Variants in KAT6B observed in about 807,000 individuals in gnomAD.
The protein encoded by KAT6B is histone acetyltransferase KAT6B.
A neutral mutation model predicts 187.5 loss-of-function variants in KAT6B; 10 were observed. The observed-to-expected ratio is 0.05, with a 90% CI of 0.03 to 0.09. The LOEUF is 0.09. Among genes scored for constraint, KAT6B ranks in the 10% least tolerant of loss-of-function variants. The pLI is 1.00. For missense variants in KAT6B, 1,952 were observed against 2,558.9 expected, an observed-to-expected ratio of 0.76 and a Z score of 5.12; for synonymous variants, 861 against 926.8, an observed-to-expected ratio of 0.93 and a Z score of 1.29.
intron 3 of KAT6B, among the ~76,000 whole-genome samples, chr10:74,857,667 G>A (rs900093024): frequency 2.0e-5 from 3 of 152,144 alleles, no homozygotes; most frequent in Admixed American, 1.3e-4. Flanking sequence ...ATTTTGCATT[G>A]GGGGTTGCAA....
In KAT6B at chr10:74,976,054, C is replaced by T. The variant is rs756038238; in HGVS notation, c.1717C>T (p.Arg573Cys). The change falls in exon 8 of 18, where the codon CGT becomes TGT. Residue 573 changes from arginine (R) to cysteine (C), a missense_variant. This residue lies in a region of KAT6B where 417 missense variants were observed against 508.9 expected (regional missense o/e 0.82). Coordinates refer to ENST00000287239, the MANE Select transcript of KAT6B (RefSeq NM_012330.4). ...TTATGCACCACCCAAACGTATGCGTCGTAAAACTGAATTATCTTCCACGGC... is the reference window on the plus strand; with the variant it reads ...TTATGCACCACCCAAACGTATGCGTTGTAAAACTGAATTATCTTCCACGGC... ...PSYAPPKRMR[R>C]KTELSSTAKS... The T allele has an allele frequency of 1.6e-5, 26 of 1,614,024 alleles. No individual in the cohort carries two copies. The highest frequency in any genetic ancestry group is 1.8e-5 in the Non-Finnish European group (21 of 1,180,046).
At position 75,021,245 on chromosome 10, in the gene KAT6B, A is replaced by G; in HGVS notation, c.2981A>G (p.Asn994Ser). ...AGGTGGACCCCAATTTTAATTTCTA[A>G]TGCTGCAGTGTCTGAAGAAGAGCGA... is the stretch of plus-strand genomic sequence containing the variant. ...SLRWTPILIS[N>S]AAVSEEEREA... The change falls in exon 15 of 18, where the codon AAT becomes AGT. Residue 994 changes from asparagine to serine, a missense_variant. Asn to Ser is a conservative substitution (Grantham distance 46, BLOSUM62 1). Transcript: ENST00000287239. 1 of 1,614,196 alleles carries G rather than the reference A, an allele frequency of 6.2e-7. No homozygotes were observed.
Position 74,976,307 on chromosome 10 carries a change from G to C in KAT6B, c.1970G>C (p.Arg657Thr). 6.2e-7 allele frequency: 1 copy of C among 1,613,456 alleles called. No homozygotes were observed. Among genetic ancestry groups the C allele is most frequent in the Non-Finnish European group, 8.5e-7 (1 of 1,179,982 alleles). The stretch of plus-strand genomic sequence containing the variant: ...GGGAAGGGGAGCTTGACAGACGGAA[G>C]GATTAAACCTGATCAGGATGATGGT... The part of the protein sequence containing the change: ...SPGKGSLTDG[R>T]IKPDQDDDTE... Residue 657 changes from arginine (R) to threonine (T), a missense_variant, in exon 8 of 18, where the codon AGG becomes ACG. Arg to Thr is a moderately conservative substitution (Grantham distance 71, BLOSUM62 -1). This residue lies in a region of KAT6B where 417 missense variants were observed against 508.9 expected (regional missense o/e 0.82). Coordinates refer to ENST00000287239, the MANE Select transcript of KAT6B (RefSeq NM_012330.4).
chr10:74,826,395 G>C (rs896144940), upstream of KAT6B, among the ~76,000 whole-genome samples: 1 of 152,004 alleles, frequency 6.6e-6, no homozygotes, highest in South Asian at 2.1e-4. Context: ...CGGAGGGGGG[G>C]ATGATGGGTC....
In KAT6B at chr10:74,959,967, T is replaced by C; in HGVS notation, c.622-3T>C. 1 of 1,586,808 alleles carries C rather than the reference T, an allele frequency of 6.3e-7. No individual in the cohort carries two copies. Among genetic ancestry groups the C allele is most frequent in the East Asian group, 2.2e-5 (1 of 44,728 alleles). On this transcript the variant is annotated splice_region_variant and splice_polypyrimidine_tract_variant and intron_variant, in intron 3 of 17. Transcript: ENST00000287239. ...AGTATTTTTTATTTTAATTTTGTCA[T>C]AGCCCCGTGCTGATCCCATTCCAAT...
intron 1 of KAT6B, among the ~76,000 whole-genome samples, chr10:74,837,362 C>G (rs1841376480): frequency 6.6e-6 from 1 of 152,090 alleles, no homozygotes; most frequent in Non-Finnish European, 1.5e-5. Context: ...TGATGTAGCA[C>G]AAATCCCCAG....
intron 12 of KAT6B, among the ~76,000 whole-genome samples, chr10:74,987,467 C>T (rs762191029): frequency 6.6e-6 from 1 of 152,114 alleles, no homozygotes; most frequent in South Asian, 2.1e-4. Flanking sequence ...ACCATATTCT[C>T]ATGTGTCAGC....
rs1842061387 is a variant in KAT6B, at chr10:74,845,805, T to C, written c.621+2327T>C. Among the ~76,000 whole-genome samples, 4 of 149,304 alleles carry C rather than the reference T, an allele frequency of 2.7e-5. No homozygotes were observed. The South Asian group carries it at 8.4e-4, about 31-fold the overall frequency. ...TGAACCCTTGAAATGGAACCTGTTT[T>C]CCTCAATGCTTTAGATCAGATCAGC... On this transcript the variant is annotated intron_variant, in intron 3 of 17. Coordinates refer to ENST00000287239, the MANE Select transcript of KAT6B (RefSeq NM_012330.4).
At chr10:74,866,638 C>G (rs370780675) in intron 3 of KAT6B, among the ~76,000 whole-genome samples, 2 of 152,056 alleles carry the variant, frequency 1.3e-5, no homozygotes, top group East Asian at 3.8e-4. Context: ...ACAAGCATTC[C>G]TTGCCATAAA....
intron 3 of KAT6B, among the ~76,000 whole-genome samples, chr10:74,873,675 C>T (rs1844185206): frequency 6.6e-6 from 1 of 151,990 alleles, no homozygotes; most frequent in African/African-American, 2.4e-5. Context: ...AGAACTTGCT[C>T]ATGGATTGGA....
At chr10:74,982,983 T>C (rs964852505) in intron 11 of KAT6B, 2 of 152,258 alleles carry the variant, frequency 1.3e-5, no homozygotes, top group Non-Finnish European at 2.9e-5. Context: ...ACCAGGCTCC[T>C]TCTCAGACAG....
chr10:75,012,007 C>G (rs1589805901), intron 13 of KAT6B, among the ~76,000 whole-genome samples: 1 of 152,164 alleles, frequency 6.6e-6, no homozygotes, highest in South Asian at 2.1e-4. Flanking sequence ...CCCCAAGGCC[C>G]TTTCCTTACT....
chr10:74,867,656 C>T lies in KAT6B; in HGVS notation c.621+24178C>T, dbSNP rs576961417. 6.6e-5 allele frequency among the ~76,000 whole-genome samples: 10 copies of T among 152,264 alleles called. No homozygotes were observed. In the South Asian group the frequency reaches 1.2e-3, roughly 19 times the overall value. ...TTGTTTTAGAGGCATTTGGCTCTGCCGCCTTGCAGATGGTTAGACTCTGGG... is the reference window on the plus strand; with the variant it reads ...TTGTTTTAGAGGCATTTGGCTCTGCTGCCTTGCAGATGGTTAGACTCTGGG... On this transcript the variant is annotated intron_variant, in intron 3 of 17. Transcript: ENST00000287239.
intron 9 of KAT6B, among the ~76,000 whole-genome samples, chr10:74,978,827 C>G (rs1269654235): frequency 2.0e-5 from 3 of 152,160 alleles, no homozygotes; most frequent in Non-Finnish European, 4.4e-5. Flanking sequence ...AATAAATAAG[C>G]CTGTGTAATA....
chr10:75,017,656 G>A (rs935048608), intron 13 of KAT6B, among the ~76,000 whole-genome samples: 8 of 152,030 alleles, frequency 5.3e-5, no homozygotes, highest in African/African-American at 1.9e-4. Flanking sequence ...CAAGAAATTC[G>A]TTTTTTAAAA....
intron 3 of KAT6B, among the ~76,000 whole-genome samples, chr10:74,859,022 C>T (rs1842994442): frequency 6.6e-6 from 1 of 152,188 alleles, no homozygotes; most frequent in African/African-American, 2.4e-5. Flanking sequence ...TAGGCATAAG[C>T]CAGTGTGCCC....
In KAT6B at chr10:75,030,100, C is replaced by G. The variant is rs150182278; in HGVS notation, c.5276C>G (p.Pro1759Arg). The G allele has an allele frequency of 1.2e-6, 2 of 1,614,254 alleles. No individual in the cohort carries two copies. Among genetic ancestry groups the G allele is most frequent in the Non-Finnish European group, 1.7e-6 (2 of 1,180,046 alleles). The stretch of plus-strand genomic sequence containing the variant: ...CCTCAAGGCTGTGTGGTGGAGAGGC[C>G]TCCGAGCAGCAGCCAGCAGCTGGCT... ...KSPQGCVVER[P>R]PSSSQQLAQC... The change falls in exon 18 of 18, where the codon CCT becomes CGT. Residue 1759 changes from proline (P) to arginine (R), a missense_variant. Pro to Arg is a moderately radical substitution (Grantham distance 103). This residue lies in a region of KAT6B where 358 missense variants were observed against 436.3 expected (regional missense o/e 0.82). Transcript: ENST00000287239. This position sits in a 1 kb window ranked among gnomAD's most constrained non-coding sequence, Gnocchi z 4.8.
intron 11 of KAT6B, chr10:74,984,749 A>G: frequency 3.0e-6 from 1 of 338,522 alleles, no homozygotes; most frequent in Admixed American, 4.5e-5. Flanking sequence ...TTCGGTTCAG[A>G]TAGAGAGGAC....
At chr10:75,022,553 C>T (rs1257841025) in intron 16 of KAT6B, among the ~76,000 whole-genome samples, 2 of 152,184 alleles carry the variant, frequency 1.3e-5, no homozygotes, top group African/African-American at 4.8e-5. Flanking sequence ...ACTTAAACCA[C>T]CCTCCAAGAC....
Sources: allele counts gnomAD v4.1 joint callset (sites outside exome capture counted in the v4.1 genomes callset), GRCh38; gene constraint gnomAD v4.1.1; regional missense constraint gnomAD v4.1.1; non-coding constraint Gnocchi (gnomAD v3.1); transcripts MANE v1.5; gene names NCBI Gene and HGNC (gene_info 2026-07-23, HGNC 2026-07-21).